UNC5A: variants seen among roughly 807,000 people sequenced by gnomAD.
UNC5A encodes netrin receptor UNC5A.
Under a neutral mutation model 87.4 loss-of-function variants are expected in UNC5A, and 20 were observed. That is an observed-to-expected ratio of 0.23 (90% CI 0.16 to 0.33). The LOEUF (loss-of-function observed/expected upper bound fraction) is 0.33, where lower values mean the gene tolerates loss of function less well. UNC5A is among the 10% of genes least tolerant of loss of function. UNC5A has a pLI of 1.00. For missense variants in UNC5A, 844 were observed against 1,133.4 expected (o/e 0.74, Z 3.67); for synonymous variants, 438 against 482.3 (o/e 0.91, Z 1.20).
chr5:176,867,250 G>T (rs146713419), intron 2 of UNC5A, among the ~76,000 whole-genome samples: 4 of 152,152 alleles, frequency 2.6e-5, no homozygotes, highest in African/African-American at 9.7e-5. Context: ...GGCTACAGAC[G>T]GGGCAGGAGG....
chr5:176,849,311 G>A (rs547354166), intron 1 of UNC5A, among the ~76,000 whole-genome samples: 23 of 152,206 alleles, frequency 1.5e-4, no homozygotes, highest in Non-Finnish European at 3.2e-4. Flanking sequence ...CAGGCTGGGC[G>A]CAGTGGCTCA....
At chr5:176,834,697 C>CTCTCTCTCTCTCTG (rs1757108315) in intron 1 of UNC5A, among the ~76,000 whole-genome samples, 4 of 150,326 alleles carry the variant, frequency 2.7e-5, no homozygotes, top group Non-Finnish European at 4.4e-5. Context: ...CTCTCTCTCT[C>CTCTCTCTCTCTCTG]TCTCTCTGTC....
chr5:176,861,291 A>G (rs1348900556), intron 1 of UNC5A, among the ~76,000 whole-genome samples: 1 of 152,178 alleles, frequency 6.6e-6, no homozygotes, highest in Non-Finnish European at 1.5e-5. Flanking sequence ...CAACAGCCTT[A>G]AGAACTGGGC....
rs544678997 is a variant in UNC5A, at chr5:176,841,827, G to C, written c.71-20797G>C. Among the ~76,000 whole-genome samples the C allele has an allele frequency of 6.6e-6, 1 of 152,268 alleles. No homozygotes were observed. Among genetic ancestry groups the C allele is most frequent in the East Asian group, 1.9e-4 (1 of 5,182 alleles). On this transcript the variant is annotated intron_variant, in intron 1 of 14. Coordinates refer to ENST00000329542, the MANE Select transcript of UNC5A (RefSeq NM_133369.3). This position sits in a 1 kb window ranked among gnomAD's most constrained non-coding sequence, Gnocchi z 4.1. ...GGCCAACAATCATGAAAAAAGGCTC[G>C]ACATCACTAATGATCAGGGAAATGC...
chr5:176,817,173 G>A (rs1265897164), intron 1 of UNC5A, among the ~76,000 whole-genome samples: 2 of 152,044 alleles, frequency 1.3e-5, no homozygotes, highest in African/African-American at 4.8e-5. Flanking sequence ...CCTGACTGGT[G>A]GGGCCCCCAG....
At chr5:176,831,771 C>T (rs967752590) in intron 1 of UNC5A, among the ~76,000 whole-genome samples, 5 of 152,208 alleles carry the variant, frequency 3.3e-5, no homozygotes, top group Admixed American at 1.3e-4. Context: ...CTCAACCCAC[C>T]CATCCCCACT....
In UNC5A at chr5:176,868,263, C is replaced by G; in HGVS notation, c.426C>G (p.Ile142Met). The change falls in exon 3 of 15, where the codon ATC becomes ATG. Residue 142 changes from isoleucine to methionine, a missense_variant. Ile to Met is a conservative substitution (Grantham distance 10, BLOSUM62 1). Coordinates refer to ENST00000329542, the MANE Select transcript of UNC5A (RefSeq NM_133369.3). ...CCACCAAGAGTCAGAAGGCCTACAT[C>G]CGCATAGCCTGTGAGTCTAGGGCTG... ...SGTTKSQKAY[I>M]RIAYLRKNFE... 6.2e-7 allele frequency: 1 copy of G among 1,613,426 alleles called. No homozygotes were observed. The highest frequency in any genetic ancestry group is 1.1e-5 in the South Asian group (1 of 91,072).
Position 176,877,601 on chromosome 5 carries a change from G to C in UNC5A, c.1533G>C (p.Leu511=). 5 of 1,612,358 alleles carry C rather than the reference G, an allele frequency of 3.1e-6. No homozygotes were observed. The highest frequency in any genetic ancestry group is 2.5e-6 in the Non-Finnish European group (3 of 1,179,522). ...TTAGCTGTGGACCCCCTGGCGTCCT[G>C]CTCACCCGGCCAGTCATCCTGGCTA... ...PIVSCGPPGV[L]LTRPVILAMD... Residue 511 remains leucine (L), a synonymous_variant, in exon 10 of 15, where the codon CTG becomes CTC. Transcript: ENST00000329542.
At position 176,865,384 on chromosome 5, in the gene UNC5A, G is replaced by A. The variant is rs111850863; in HGVS notation, c.292+2539G>A. 144 of 349,406 alleles carry A rather than the reference G, an allele frequency of 4.1e-4. 1 individual carries two copies. The Middle Eastern group carries it at 0.01, about 25-fold the overall frequency. 21.6% of individuals were successfully genotyped at this position (349,406 alleles called of 1,614,324 possible). A position where few individuals can be genotyped will look rare whatever the true frequency, so the allele number is the denominator to read the frequency against. On this transcript the variant is annotated intron_variant, in intron 2 of 14. Transcript: ENST00000329542. The surrounding 1 kb of genome is among the most constrained non-coding windows in gnomAD (Gnocchi z 5.3). The stretch of plus-strand genomic sequence containing the variant: ...CAGACCCTTGCCTGAATGAGCAGTC[G>A]CAGGCCCGGGCCGGCACACACACCG...
intron 2 of UNC5A, among the ~76,000 whole-genome samples, chr5:176,863,354 G>A (rs1757889384): frequency 6.6e-6 from 1 of 152,322 alleles, no homozygotes; most frequent in Non-Finnish European, 1.5e-5. Flanking sequence ...CAGCAGTGAG[G>A]GTGAGGGTGT....
In UNC5A at chr5:176,878,049, G is replaced by C. The variant is rs776985084; in HGVS notation, c.1791G>C (p.Leu597=). 6.2e-7 allele frequency: 1 copy of C among 1,609,586 alleles called. No homozygotes were observed. Among genetic ancestry groups the C allele is most frequent in the Non-Finnish European group, 8.5e-7 (1 of 1,179,954 alleles). The change falls in exon 11 of 15, where the codon CTG becomes CTC. Residue 597 remains leucine, a synonymous_variant. Transcript: ENST00000329542. ...CCGCCAAGCGCCTCAAGCTGCTTCT[G>C]TTTGCGCCGGTGGCCTGCACCTCCC... ...VAAAKRLKLL[L]FAPVACTSLE...
intron 1 of UNC5A, among the ~76,000 whole-genome samples, chr5:176,849,777 G>T (rs1757499146): frequency 6.6e-6 from 1 of 152,142 alleles, no homozygotes; most frequent in Admixed American, 6.5e-5. Context: ...TGGGGGCTGG[G>T]GACTCAACCT....
At chr5:176,829,911 G>A (rs1170901555) in intron 1 of UNC5A, among the ~76,000 whole-genome samples, 1 of 69,150 alleles carries the variant, frequency 1.4e-5, no homozygotes, top group African/African-American at 3.5e-5. Context: ...ATCTTGTTCT[G>A]TCTCCCACAC....
chr5:176,811,994 C>T (rs532027139), intron 1 of UNC5A, among the ~76,000 whole-genome samples: 1 of 152,174 alleles, frequency 6.6e-6, no homozygotes, highest in Non-Finnish European at 1.5e-5. Context: ...GGTGTCTCTG[C>T]GCAGCGCATC....
intron 1 of UNC5A, among the ~76,000 whole-genome samples, chr5:176,853,859 G>A (rs1757603250): frequency 6.6e-6 from 1 of 152,178 alleles, no homozygotes; most frequent in Admixed American, 6.5e-5. Context: ...ATGGACAGAG[G>A]GATGGACCAA....
intron 6 of UNC5A, 140 bp from the exon 7 acceptor site, chr5:176,873,828 C>G (rs896876603): frequency 4.2e-5 from 34 of 811,610 alleles, no homozygotes; most frequent in Non-Finnish European, 5.8e-5. Flanking sequence ...ACTCCATGCT[C>G]CCTGCCACAA....
chr5:176,848,800 C>T lies in UNC5A; in HGVS notation c.71-13824C>T, dbSNP rs1452574780. On this transcript the variant is annotated intron_variant, in intron 1 of 14. Transcript: ENST00000329542. This position sits in a 1 kb window ranked among gnomAD's most constrained non-coding sequence, Gnocchi z 5.8. ...ACCACGGGCACACAAGATGGGCAGCCGCGGCCTGGGCCCTGCGCGTCTCGG... is the reference window on the plus strand; with the variant it reads ...ACCACGGGCACACAAGATGGGCAGCTGCGGCCTGGGCCCTGCGCGTCTCGG... 2.0e-5 allele frequency among the ~76,000 whole-genome samples: 3 copies of T among 152,186 alleles called. No individual in the cohort carries two copies. Among genetic ancestry groups the T allele is most frequent in the African/African-American group, 7.2e-5 (3 of 41,446 alleles).
chr5:176,860,195 G>A (rs1032318875), intron 1 of UNC5A, among the ~76,000 whole-genome samples: 17 of 152,330 alleles, frequency 1.1e-4, no homozygotes, highest in East Asian at 7.7e-4. Flanking sequence ...AGGTGGGCCG[G>A]GAACCTGCCA....
rs985572115 is a variant in UNC5A, at chr5:176,878,765, C to A, written c.2184+126C>A. On this transcript the variant is annotated intron_variant, in intron 13 of 14. Coordinates refer to ENST00000329542, the MANE Select transcript of UNC5A (RefSeq NM_133369.3). ...TCCCTCCCGCCTGTCCCCAGGCCCACCTCCTCCTAGAAACCCCTTGGCAGC... is the reference window on the plus strand; with the variant it reads ...TCCCTCCCGCCTGTCCCCAGGCCCAACTCCTCCTAGAAACCCCTTGGCAGC... The A allele has an allele frequency of 1.6e-5, 20 of 1,289,964 alleles. No individual in the cohort carries two copies. The African/African-American group carries it at 2.5e-4, about 16-fold the overall frequency. 79.9% of individuals were successfully genotyped at this position (1,289,964 alleles called of 1,614,324 possible). A position where few individuals can be genotyped will look rare whatever the true frequency, so the allele number is the denominator to read the frequency against.
Sources: allele counts gnomAD v4.1 joint callset (sites outside exome capture counted in the v4.1 genomes callset), GRCh38; gene constraint gnomAD v4.1.1; non-coding constraint Gnocchi (gnomAD v3.1); transcripts MANE v1.5; gene names NCBI Gene and HGNC (gene_info 2026-07-23, HGNC 2026-07-21).